LPA: variants seen among roughly 807,000 people sequenced by gnomAD.
The protein encoded by LPA is lipoprotein(a), also known as apolipoprotein(a).
In LPA, 199 loss-of-function variants were observed where a neutral mutation model predicts 197.9. The observed-to-expected ratio is 1.01, with a 90% CI of 0.90 to 1.13. The LOEUF is 1.13. LPA is among the 50% of genes most tolerant of loss of function. The pLI is 0.00. For missense variants in LPA, 1,853 were observed against 1,785.8 expected (o/e 1.04, Z -0.68); for synonymous variants, 715 against 639.5 (o/e 1.12, Z -1.78).
chr6:160,584,943 T>G, intron 26 of LPA, 103 bp downstream of exon 26: 1 of 1,203,568 alleles, frequency 8.3e-7, no homozygotes, highest in Non-Finnish European at 1.2e-6. Flanking sequence ...AAACTCTGAG[T>G]CTATGAGAAA....
rs963884446 is a variant in LPA, at chr6:160,553,014, C to G, written c.4973+3011G>C. 2.0e-5 allele frequency among the ~76,000 whole-genome samples: 3 copies of G among 152,028 alleles called. No homozygotes were observed. In the South Asian group the frequency reaches 6.2e-4, roughly 32 times the overall value. The stretch of plus-strand genomic sequence containing the variant: ...TGGTTGTCCTAGGATTTATAATATC[C>G]CACCTTAAACTATCACATTCAACCA... On this transcript the variant is annotated intron_variant, in intron 30 of 38. Transcript: ENST00000316300.
intron 2 of LPA, among the ~76,000 whole-genome samples, chr6:160,648,475 G>A (rs1779944124): frequency 6.6e-6 from 1 of 151,934 alleles, no homozygotes; most frequent in Non-Finnish European, 1.5e-5. Context: ...TCTGTGACTT[G>A]CTTCCCACAT....
intron 28 of LPA, among the ~76,000 whole-genome samples, chr6:160,576,367 C>T (rs13193251): frequency 0.041 from 3,111 of 76,222 alleles, 159 homozygotes; most frequent in East Asian, 0.093. Flanking sequence ...TATATATATA[C>T]ATATATATAT....
chr6:160,585,686 G>C (rs556745852), intron 25 of LPA, among the ~76,000 whole-genome samples: 1 of 152,124 alleles, frequency 6.6e-6, no homozygotes, highest in South Asian at 2.1e-4. Flanking sequence ...AAAGGATCTT[G>C]CATCTAGGAC....
intron 28 of LPA, among the ~76,000 whole-genome samples, chr6:160,574,115 G>T (rs1440259381): frequency 6.6e-6 from 1 of 152,098 alleles, no homozygotes; most frequent in Non-Finnish European, 1.5e-5. Context: ...GGTCACTGGA[G>T]TTGTGTACCT....
intron 38 of LPA, 31 bp from the exon 39 acceptor site, chr6:160,531,921 G>T: frequency 6.2e-7 from 1 of 1,612,842 alleles, no homozygotes; most frequent in Non-Finnish European, 8.5e-7. Flanking sequence ...ATTCATGTGA[G>T]CTTTAAGCTG....
intron 25 of LPA, among the ~76,000 whole-genome samples, chr6:160,586,198 T>C (rs924107433): frequency 7.2e-5 from 11 of 152,148 alleles, no homozygotes; most frequent in Non-Finnish European, 1.2e-4. Flanking sequence ...ATTCGTTTGA[T>C]AACAGGGAAG....
chr6:160,562,879 T>C (rs1336831734), intron 28 of LPA, among the ~76,000 whole-genome samples: 1 of 152,226 alleles, frequency 6.6e-6, no homozygotes, highest in Non-Finnish European at 1.5e-5. Context: ...TATTCTCTGA[T>C]GGTAGTTTGT....
rs563526837 is a variant in LPA at position 160,556,699 on chromosome 6, G to A, written c.4814-515C>T. 4.6e-5 allele frequency among the ~76,000 whole-genome samples: 7 copies of A among 152,202 alleles called. No individual in the cohort carries two copies. The East Asian group carries it at 9.7e-4, about 21-fold the overall frequency. The stretch of plus-strand genomic sequence containing the variant: ...CATTGCTTCTTAGAGAAGGATGGAG[G>A]CTAAAATCTTATTCCCTTACAGTAG... On this transcript the variant is annotated intron_variant, in intron 29 of 38. Coordinates refer to ENST00000316300, the MANE Select transcript of LPA (RefSeq NM_005577.4).
rs1205900110 is a variant in LPA, at chr6:160,531,525, T to C, written c.*204A>G. On this transcript the variant is annotated 3_prime_UTR_variant, in exon 39 of 39. Coordinates refer to ENST00000316300, the MANE Select transcript of LPA (RefSeq NM_005577.4). ...CAGAGTTTATTTTTAACAAATGTCA[T>C]AGCTATGACACCTTAATACAGAATT... 4.7e-6 allele frequency: 3 copies of C among 632,890 alleles called. No homozygotes were observed. The highest frequency in any genetic ancestry group is 8.3e-6 in the Non-Finnish European group (3 of 360,548). The allele number at this position is 632,890 out of a possible 1,614,324, so 39.2% of individuals were successfully genotyped here.
intron 28 of LPA, among the ~76,000 whole-genome samples, chr6:160,567,856 AT>A (rs1383505212): frequency 6.6e-6 from 1 of 152,232 alleles, no homozygotes; most frequent in Non-Finnish European, 1.5e-5. Flanking sequence ...ATCAGAGAAT[AT>A]TATAAACACC....
At chr6:160,569,690 C>G (rs1778527354) in intron 28 of LPA, among the ~76,000 whole-genome samples, 2 of 152,070 alleles carry the variant, frequency 1.3e-5, no homozygotes, top group African/African-American at 2.4e-5. Context: ...TCAGAATGAA[C>G]AGGCAAGCTA....
intron 26 of LPA, among the ~76,000 whole-genome samples, chr6:160,584,610 G>A (rs779315118): frequency 2.6e-5 from 4 of 152,022 alleles, no homozygotes; most frequent in Non-Finnish European, 4.4e-5. Context: ...GGGATCACAG[G>A]CCTGAGCCAC....
In LPA at chr6:160,585,111, T is replaced by C; in HGVS notation, c.4224A>G (p.Thr1408=). 1 of 1,613,856 alleles carries C rather than the reference T, an allele frequency of 6.2e-7. No homozygotes were observed. Among genetic ancestry groups the C allele is most frequent in the Non-Finnish European group, 8.5e-7 (1 of 1,179,794 alleles). ...GTLSTTITGR[T]CQSWSSMTPH... Reference sequence around the variant, plus strand: ...GTGTCATAGACGACCAAGACTGACATGTTCTTCCTGTGATAGTGGTGGAGA... The same window carrying C: ...GTGTCATAGACGACCAAGACTGACACGTTCTTCCTGTGATAGTGGTGGAGA... The change falls in exon 26 of 39, where the codon ACA becomes ACG. Residue 1408 remains threonine, a synonymous_variant. Coordinates refer to ENST00000316300, the MANE Select transcript of LPA (RefSeq NM_005577.4).
intron 2 of LPA, among the ~76,000 whole-genome samples, chr6:160,646,807 A>ATC (rs1779889071): frequency 6.7e-6 from 1 of 148,778 alleles, no homozygotes; most frequent in Admixed American, 6.7e-5. Context: ...TAGTCTCCGT[A>ATC]TCTCTCTCGG....
chr6:160,634,404 G>T (rs1351879423), intron 7 of LPA, among the ~76,000 whole-genome samples: 1 of 113,012 alleles, frequency 8.8e-6, no homozygotes, highest in Non-Finnish European at 1.8e-5. Flanking sequence ...TCTGACTGAA[G>T]GCAAAGACAC....
chr6:160,584,807 A>G (rs1443487008), intron 26 of LPA, among the ~76,000 whole-genome samples: 3 of 152,200 alleles, frequency 2.0e-5, no homozygotes, highest in Non-Finnish European at 4.4e-5. Context: ...CTTTACATTA[A>G]TGAGACTTCA....
chr6:160,548,789 C>T, intron 30 of LPA, 130 bp from the exon 31 acceptor site: 1 of 882,570 alleles, frequency 1.1e-6, no homozygotes, highest in South Asian at 1.4e-5. Flanking sequence ...AGGTATCATA[C>T]AATTGCCACA....
In LPA at chr6:160,578,685, A is replaced by C. The variant is rs749022182; in HGVS notation, c.4309T>G (p.Cys1437Gly). ...CGAATCTCAGCATCTGGATTCCTGC[A>C]GTAGTTCCTGGTCAGGCCACTGCAA... Reference protein sequence around the residue: ...YPNAGLTRNYCRNPDAEIRPW... With the variant: ...YPNAGLTRNYGRNPDAEIRPW... The change falls in exon 27 of 39, where the codon TGC becomes GGC. Residue 1437 changes from cysteine to glycine, a missense_variant. Physicochemically the swap from Cys to Gly is radical, Grantham distance 159 (BLOSUM62 -3). Transcript: ENST00000316300. 85 of 1,613,784 alleles carry C rather than the reference A, an allele frequency of 5.3e-5. No homozygotes were observed. The highest frequency in any genetic ancestry group is 8.3e-5 in the Admixed American group (5 of 59,996).
Sources: allele counts gnomAD v4.1 joint callset (sites outside exome capture counted in the v4.1 genomes callset), GRCh38; gene constraint gnomAD v4.1.1; transcripts MANE v1.5; gene names NCBI Gene and HGNC (gene_info 2026-07-23, HGNC 2026-07-21).